Variants in OR2Z1 observed in about 807,000 individuals in gnomAD.
OR2Z1 encodes the protein olfactory receptor family 2 subfamily Z member 1, also known as olfactory receptor 2Z1.
For synonymous variants in OR2Z1, 188 were observed against 160.6 expected (o/e 1.17, Z -1.29); for missense variants, 449 against 401.8 (o/e 1.12, Z -1.00).
intron 2 of OR2Z1, among the ~76,000 whole-genome samples, chr19:8,726,976 G>T (rs2043330177): frequency 6.6e-6 from 1 of 151,792 alleles, no homozygotes; most frequent in Non-Finnish European, 1.5e-5. Flanking sequence ...TTGAAACAGG[G>T]TCTCGCTCAG....
chr19:8,725,886 A>T (rs1348309973), intron 2 of OR2Z1, among the ~76,000 whole-genome samples: 10 of 152,210 alleles, frequency 6.6e-5, no homozygotes, highest in Admixed American at 2.0e-4. Flanking sequence ...GTCTCAGGGA[A>T]CTTACAATCA....
rs1295993722 is a variant in OR2Z1, at chr19:8,731,573, C to G, written c.545C>G (p.Pro182Arg). 5 of 1,613,950 alleles carry G rather than the reference C, an allele frequency of 3.1e-6. No homozygotes were observed. Among genetic ancestry groups the G allele is most frequent in the Non-Finnish European group, 4.2e-6 (5 of 1,180,032 alleles). Reference protein sequence around the residue: ...RIVDHFFCEVPALLKLSCADT... With the variant: ...RIVDHFFCEVRALLKLSCADT... Reference sequence around the variant, plus strand: ...GTGGATCACTTCTTCTGTGAGGTGCCAGCCCTACTGAAGCTCTCCTGTGCA... The same window carrying G: ...GTGGATCACTTCTTCTGTGAGGTGCGAGCCCTACTGAAGCTCTCCTGTGCA... The change falls in exon 3 of 3, where the codon CCA becomes CGA. Residue 182 changes from proline to arginine, a missense_variant. By Grantham distance (103) the Pro-to-Arg change is moderately radical. Transcript: ENST00000641125.
chr19:8,731,779 T>C lies in OR2Z1; in HGVS notation c.751T>C (p.Phe251Leu), dbSNP rs782808362. Residue 251 changes from phenylalanine (F) to leucine (L), a missense_variant, in exon 3 of 3, where the codon TTT (phenylalanine) becomes CTT (leucine). Coordinates refer to ENST00000641125, the MANE Select transcript of OR2Z1 (RefSeq NM_001004699.3). ...CTCGCACATCACGGTAGTGGGGCTC[T>C]TTTATGGTGCCGCCGTGTTCATGTA... ...CSSHITVVGLFYGAAVFMYMV... is the reference protein window; with the variant it reads ...CSSHITVVGLLYGAAVFMYMV... 4.3e-6 allele frequency: 7 copies of C among 1,614,124 alleles called. No individual in the cohort carries two copies. Among genetic ancestry groups the C allele is most frequent in the African/African-American group, 1.3e-5 (1 of 74,946 alleles).
rs187009424 is a variant in OR2Z1 at position 8,731,553 on chromosome 19, T to A, written c.525T>A (p.Asp175Glu). The A allele has an allele frequency of 4.5e-5, 73 of 1,614,074 alleles. No homozygotes were observed. The Admixed American group carries it at 1.2e-3, about 27-fold the overall frequency. The change falls in exon 3 of 3, where the codon GAT (aspartate) becomes GAA (glutamate). Residue 175 changes from aspartate to glutamate, a missense_variant. Physicochemically the swap from Asp to Glu is conservative, Grantham distance 45. Coordinates refer to ENST00000641125, the MANE Select transcript of OR2Z1 (RefSeq NM_001004699.3). The stretch of plus-strand genomic sequence containing the variant: ...CCTACTGTGCCTCCCGTATTGTGGA[T>A]CACTTCTTCTGTGAGGTGCCAGCCC... ...HFPYCASRIVDHFFCEVPALL... is the reference protein window; with the variant it reads ...HFPYCASRIVEHFFCEVPALL...
chr19:8,723,968 T>TTGTGTGTG (rs55655760), intron 2 of OR2Z1, among the ~76,000 whole-genome samples: 13 of 132,862 alleles, frequency 9.8e-5, no homozygotes, highest in Non-Finnish European at 1.5e-4. Flanking sequence ...GGGAGTCTGT[T>TTGTGTGTG]TGTGTGTGTG....
Position 8,731,246 on chromosome 19 carries a change from G to T in OR2Z1, c.218G>T (p.Cys73Phe). The T allele has an allele frequency of 6.2e-7, 1 of 1,613,890 alleles. No individual in the cohort carries two copies. The highest frequency in any genetic ancestry group is 8.5e-7 in the Non-Finnish European group (1 of 1,179,820). ...LSQLSLFDIG[C>F]PMVTIPKMAS... ...CAGCTCTCCCTGTTTGACATTGGCT[G>T]TCCCATGGTCACCATCCCCAAGATG... The change falls in exon 3 of 3, where the codon TGT (cysteine) becomes TTT (phenylalanine). Residue 73 changes from cysteine to phenylalanine, a missense_variant. By Grantham distance (205) the Cys-to-Phe change is radical (BLOSUM62 -2). Coordinates refer to ENST00000641125, the MANE Select transcript of OR2Z1 (RefSeq NM_001004699.3).
At chr19:8,728,090 T>A (rs1360730637) in intron 2 of OR2Z1, among the ~76,000 whole-genome samples, 1 of 152,266 alleles carries the variant, frequency 6.6e-6, no homozygotes, top group Non-Finnish European at 1.5e-5. Flanking sequence ...GAACCACTCC[T>A]GTCCTCTTTG....
At chr19:8,724,434 C>T (rs2043319833) in intron 2 of OR2Z1, among the ~76,000 whole-genome samples, 1 of 152,022 alleles carries the variant, frequency 6.6e-6, no homozygotes, top group Admixed American at 6.6e-5. Context: ...CGGGATCTTG[C>T]CATGTTGCTC....
chr19:8,728,120 G>A (rs1022997089), intron 2 of OR2Z1, among the ~76,000 whole-genome samples: 1 of 152,270 alleles, frequency 6.6e-6, no homozygotes, highest in Admixed American at 6.5e-5. Flanking sequence ...TTCCTTTTTA[G>A]CATGCTTCTT....
In OR2Z1 at chr19:8,729,756, A is replaced by G. The variant is rs147646161; in HGVS notation, c.-169-1104A>G. On this transcript the variant is annotated intron_variant, in intron 2 of 2. Transcript: ENST00000641125. ...CAGGCATATGCCACCACGCTCAGCT[A>G]ATTTTGTATTTTTAGTAGAGATGGG... Among the ~76,000 whole-genome samples the G allele has an allele frequency of 3.7e-3, 561 of 152,068 alleles. 2 individuals carry two copies. The highest frequency in any genetic ancestry group is 0.013 in the African/African-American group (539 of 41,456).
At chr19:8,723,182 G>C (rs1220868576) in intron 2 of OR2Z1, 32 bp downstream of exon 2, 2 of 152,238 alleles carry the variant, frequency 1.3e-5, no homozygotes, top group Non-Finnish European at 2.9e-5. Context: ...AGTGTTGCCT[G>C]GGTTTCTGCC....
At chr19:8,729,223 T>C (rs970753946) in intron 2 of OR2Z1, 1 of 679,824 alleles carries the variant, frequency 1.5e-6, no homozygotes, top group Non-Finnish European at 2.6e-6. Flanking sequence ...AAGGGCCCAA[T>C]AGGTAGTTTT....
rs781891021 is a variant in OR2Z1 at position 8,731,845 on chromosome 19, G to A, written c.817G>A (p.Val273Met). 3.1e-6 allele frequency: 5 copies of A among 1,614,186 alleles called. No homozygotes were observed. The highest frequency in any genetic ancestry group is 2.2e-5 in the East Asian group (1 of 44,876). The part of the protein sequence containing the change: ...CAYHSPQQDN[V>M]VSLFYSLVTP... ...CTACCACAGTCCACAGCAGGATAAC[G>A]TGGTTTCCCTCTTCTATAGCCTTGT... Residue 273 changes from valine to methionine, a missense_variant, in exon 3 of 3, where the codon GTG becomes ATG. Val to Met is a conservative substitution (Grantham distance 21). Transcript: ENST00000641125.
In OR2Z1 at chr19:8,731,419, C is replaced by T; in HGVS notation, c.391C>T (p.Gln131Ter). ...DRYVAVCQPLQYPVLMRRQVC... is the reference protein window; with the variant it reads ...DRYVAVCQPL ...TTATGTTGCTGTGTGCCAGCCCCTG[C>T]AGTATCCTGTACTTATGAGACGCCA... Residue 131 changes from glutamine to a stop codon, truncating the protein, a stop_gained, in exon 3 of 3, where the codon CAG (glutamine) becomes TAG (stop). Transcript: ENST00000641125. LOFTEE classifies it low-confidence loss of function (END_TRUNC). 6.2e-7 allele frequency: 1 copy of T among 1,614,064 alleles called. No individual in the cohort carries two copies. Among genetic ancestry groups the T allele is most frequent in the Non-Finnish European group, 8.5e-7 (1 of 1,180,014 alleles).
At chr19:8,729,346 T>C (rs2043341143) in intron 2 of OR2Z1, 2 of 423,540 alleles carry the variant, frequency 4.7e-6, no homozygotes, top group Admixed American at 4.0e-5. Flanking sequence ...TATTTGGTTT[T>C]GTTTCTGCCT....
intron 2 of OR2Z1, among the ~76,000 whole-genome samples, chr19:8,729,902 T>C (rs1041864025): frequency 6.6e-6 from 1 of 152,052 alleles, no homozygotes; most frequent in Non-Finnish European, 1.5e-5. Flanking sequence ...CAAGATGGGG[T>C]CTTGTCATGT....
intron 2 of OR2Z1, among the ~76,000 whole-genome samples, chr19:8,726,579 T>C (rs1299730524): frequency 6.6e-6 from 1 of 152,210 alleles, no homozygotes; most frequent in Non-Finnish European, 1.5e-5. Context: ...GTCTTGTGCA[T>C]TTATCTTCTT....
At position 8,731,481 on chromosome 19, in the gene OR2Z1, A is replaced by T. The variant is rs781985487; in HGVS notation, c.453A>T (p.Val151=). The change falls in exon 3 of 3, where the codon GTA becomes GTT. Residue 151 remains valine (V), a synonymous_variant. Coordinates refer to ENST00000641125, the MANE Select transcript of OR2Z1 (RefSeq NM_001004699.3). ...CLLMMGSSWV[V]GVLNASIQTS... The stretch of plus-strand genomic sequence containing the variant: ...TGATGATGGGCTCCTCCTGGGTGGT[A>T]GGTGTGCTCAACGCCTCCATCCAGA... 79 of 1,613,842 alleles carry T rather than the reference A, an allele frequency of 4.9e-5. No individual in the cohort carries two copies. The highest frequency in any genetic ancestry group is 6.4e-5 in the Non-Finnish European group (76 of 1,179,986).
In OR2Z1 at chr19:8,731,035, G is replaced by C. The variant is rs782485834; in HGVS notation, c.7G>C (p.Asp3His). The C allele has an allele frequency of 6.2e-7, 1 of 1,613,788 alleles. No homozygotes were observed. Among genetic ancestry groups the C allele is most frequent in the Non-Finnish European group, 8.5e-7 (1 of 1,179,738 alleles). The change falls in exon 3 of 3, where the codon GAT (aspartate) becomes CAT (histidine). Residue 3 changes from aspartate to histidine, a missense_variant. Physicochemically the swap from Asp to His is moderately conservative, Grantham distance 81. Coordinates refer to ENST00000641125, the MANE Select transcript of OR2Z1 (RefSeq NM_001004699.3). MG[D>H]VNQSVASDFI... ...AAAGTGCATTGTGTAAAACATGGGG[G>C]ATGTGAATCAGTCGGTGGCCTCAGA... is the stretch of plus-strand genomic sequence containing the variant.
Sources: allele counts gnomAD v4.1 joint callset (sites outside exome capture counted in the v4.1 genomes callset), GRCh38; gene constraint gnomAD v4.1.1; transcripts MANE v1.5; gene names NCBI Gene and HGNC (gene_info 2026-07-23, HGNC 2026-07-21).